The following ADCY9 variants were observed in gnomAD, a reference collection of about 807,000 sequenced individuals.
ADCY9 encodes the protein adenylate cyclase 9.
A neutral mutation model predicts 101.5 loss-of-function variants in ADCY9; 50 were observed. The observed-to-expected ratio is 0.49, with a 90% CI of 0.39 to 0.62. The LOEUF (loss-of-function observed/expected upper bound fraction) is 0.62, where lower values mean the gene tolerates loss of function less well. Ranked by LOEUF, ADCY9 falls within the 20% of genes least tolerant of loss-of-function variation. The pLI is 0.00. For synonymous variants in ADCY9, 905 were observed against 769.3 expected (o/e 1.18, Z -2.92); for missense variants, 1,662 against 1,800.4 (o/e 0.92, Z 1.39).
intron 2 of ADCY9, among the ~76,000 whole-genome samples, chr16:4,056,818 GT>G (rs1436715371): frequency 1.3e-5 from 2 of 152,186 alleles, no homozygotes; most frequent in Non-Finnish European, 2.9e-5. Context: ...GTTTACCTGT[GT>G]TTTTATTATC....
intron 5 of ADCY9, 79 bp from the exon 6 acceptor site, chr16:3,989,175 CA>C (rs2056223476): frequency 9.4e-7 from 1 of 1,069,314 alleles, no homozygotes; most frequent in African/African-American, 1.6e-5. Context: ...AATTAGCTAC[CA>C]AAACGCTGCT....
chr16:4,107,657 G>T (rs1011203274), intron 2 of ADCY9, among the ~76,000 whole-genome samples: 3 of 151,816 alleles, frequency 2.0e-5, no homozygotes, highest in East Asian at 3.9e-4. Context: ...CAGTGGCAAG[G>T]GTTGCAGGCT....
intron 6 of ADCY9, among the ~76,000 whole-genome samples, chr16:3,984,587 C>T (rs1287196864): frequency 1.3e-5 from 2 of 152,152 alleles, no homozygotes; most frequent in African/African-American, 2.4e-5. Flanking sequence ...GGGCACACAG[C>T]GAACAAGGAG....
intron 2 of ADCY9, among the ~76,000 whole-genome samples, chr16:4,076,521 C>T (rs930147961): frequency 6.6e-6 from 1 of 152,186 alleles, no homozygotes; most frequent in African/African-American, 2.4e-5. Flanking sequence ...GAAATATTCC[C>T]AAGCTCTCAC....
rs879620 is a variant in ADCY9, at chr16:3,965,728, C to T, written c.*47G>A. The T allele has an allele frequency of 0.56, 855,831 of 1,531,750 alleles. 250,172 individuals carry two copies. The highest frequency in any genetic ancestry group is 0.61 in the Non-Finnish European group (691,185 of 1,124,786). 94.9% of individuals were successfully genotyped at this position (1,531,750 alleles called of 1,614,324 possible). A position where few individuals can be genotyped will look rare whatever the true frequency, so the allele number is the denominator to read the frequency against. On this transcript the variant is annotated 3_prime_UTR_variant, in exon 11 of 11. Transcript: ENST00000294016. ...GCACAACAGCCAAATACAAATATTA[C>T]TGTGTTTCGACAAACAGAGCACCTC...
rs144409277 is a variant in ADCY9 at position 3,966,540 on chromosome 16, C to T, written c.3297G>A (p.Pro1099=). ...IGDFDELLSK[P]DYSSIEKIKT... is the part of the protein sequence containing the mutation. ...TGATCTTCTCGATGCTGCTGTAGTC[C>T]GGCTTGCTTAGGAGCTCGTCAAAGT... Residue 1099 remains proline (P), a synonymous_variant, in exon 11 of 11, where the codon CCG becomes CCA. Transcript: ENST00000294016. The T allele has an allele frequency of 5.4e-4, 866 of 1,614,178 alleles. 4 individuals carry two copies. In the East Asian group the frequency reaches 0.016, roughly 30 times the overall value.
At chr16:4,061,003 G>C (rs1266468446) in intron 2 of ADCY9, among the ~76,000 whole-genome samples, 1 of 152,034 alleles carries the variant, frequency 6.6e-6, no homozygotes, top group Non-Finnish European at 1.5e-5. Context: ...TCATCAAATA[G>C]AGAATACTAA....
chr16:3,983,224 G>T lies in ADCY9; in HGVS notation c.2519+8C>A, dbSNP rs375419088. On this transcript the variant is annotated splice_region_variant and intron_variant, in intron 7 of 10. Coordinates refer to ENST00000294016, the MANE Select transcript of ADCY9 (RefSeq NM_001116.4). The stretch of plus-strand genomic sequence containing the variant: ...CAGAGCTGGAGACCCAGTCCACGCG[G>T]CGCTTACCTGATGGACACCGCGAGG... 3 of 1,547,656 alleles carry T rather than the reference G, an allele frequency of 1.9e-6. No homozygotes were observed. The highest frequency in any genetic ancestry group is 2.6e-6 in the Non-Finnish European group (3 of 1,145,750).
intron 2 of ADCY9, among the ~76,000 whole-genome samples, chr16:4,067,869 G>C (rs1485718468): frequency 1.3e-5 from 2 of 152,130 alleles, no homozygotes; most frequent in Admixed American, 1.3e-4. Context: ...TCCAATCTCT[G>C]AATCTTTTTG....
rs537737275 is a variant in ADCY9, at chr16:4,115,670, G to A, written c.-44+20C>T. 9.7e-5 allele frequency: 55 copies of A among 567,818 alleles called. No individual in the cohort carries two copies. Among genetic ancestry groups the A allele is most frequent in the African/African-American group, 9.0e-4 (48 of 53,490 alleles). The allele number at this position is 567,818 out of a possible 1,614,324, so 35.2% of individuals were successfully genotyped here. A position where few individuals can be genotyped will look rare whatever the true frequency, so the allele number is the denominator to read the frequency against. ...CACCGCCCCCACCTTCGAGGCGCAC[G>A]AGAACCGCTCGGGACGGACCTAGAA... On this transcript the variant is annotated intron_variant, in intron 1 of 10. Coordinates refer to ENST00000294016, the MANE Select transcript of ADCY9 (RefSeq NM_001116.4). This position sits in a 1 kb window ranked among gnomAD's most constrained non-coding sequence, Gnocchi z 6.2.
At chr16:3,979,020 G>A in intron 8 of ADCY9, 96 bp downstream of exon 8, 1 of 1,526,590 alleles carries the variant, frequency 6.6e-7, no homozygotes, top group Non-Finnish European at 9.0e-7. Context: ...TGGCCAAAGG[G>A]TTTATTTTTA....
In ADCY9 at chr16:3,965,570, G is replaced by C. The variant is rs1463145642; in HGVS notation, c.*205C>G. On this transcript the variant is annotated 3_prime_UTR_variant, in exon 11 of 11. Coordinates refer to ENST00000294016, the MANE Select transcript of ADCY9 (RefSeq NM_001116.4). ...TGAACGGATGACCCAGAGGCAGCGG[G>C]GTTTCCAGGGAAGGGAGCGAAAGGG... 4.9e-6 allele frequency: 3 copies of C among 607,436 alleles called. No homozygotes were observed. The highest frequency in any genetic ancestry group is 8.6e-6 in the Non-Finnish European group (3 of 347,010). The allele number at this position is 607,436 out of a possible 1,614,324, so 37.6% of individuals were successfully genotyped here.
chr16:4,080,288 G>A (rs1019980032), intron 2 of ADCY9, among the ~76,000 whole-genome samples: 29 of 151,942 alleles, frequency 1.9e-4, no homozygotes, highest in African/African-American at 6.5e-4. Flanking sequence ...CTGTTGCCCA[G>A]GCTCTAGTGC....
intron 2 of ADCY9, among the ~76,000 whole-genome samples, chr16:4,060,418 T>C (rs1045980306): frequency 7.2e-5 from 11 of 152,158 alleles, no homozygotes; most frequent in African/African-American, 2.4e-4. Flanking sequence ...AGAAAAGGCC[T>C]GGCAAAAAGG....
At chr16:3,972,443 G>T (rs139318288) in intron 10 of ADCY9, among the ~76,000 whole-genome samples, 5 of 152,104 alleles carry the variant, frequency 3.3e-5, no homozygotes, top group Non-Finnish European at 5.9e-5. Context: ...ATGTTGGTCA[G>T]GCTGGTCTCG....
intron 2 of ADCY9, among the ~76,000 whole-genome samples, chr16:4,074,891 ATGGCCGGGTATAG>A (rs2056857594): frequency 6.6e-6 from 1 of 152,076 alleles, no homozygotes; most frequent in African/African-American, 2.4e-5. Context: ...GTACTACTTT[ATGGCCGGGTATAG>A]TGGCTCACAC....
At chr16:4,105,673 G>A (rs1001349262) in intron 2 of ADCY9, among the ~76,000 whole-genome samples, 2 of 83,638 alleles carry the variant, frequency 2.4e-5, no homozygotes, top group South Asian at 5.7e-4. Context: ...GTGAGACTCC[G>A]TCTCAAAAAA....
intron 2 of ADCY9, among the ~76,000 whole-genome samples, chr16:4,012,407 A>G (rs2056410140): frequency 2.0e-5 from 3 of 151,704 alleles, no homozygotes; most frequent in African/African-American, 2.4e-5. Context: ...ACATGATTTA[A>G]TGAATAACCA....
At chr16:4,067,444 T>C (rs1043310265) in intron 2 of ADCY9, among the ~76,000 whole-genome samples, 4 of 152,126 alleles carry the variant, frequency 2.6e-5, no homozygotes, top group African/African-American at 9.7e-5. Flanking sequence ...CTGGCAGCAT[T>C]AGACACACCA....
Sources: allele counts gnomAD v4.1 joint callset (sites outside exome capture counted in the v4.1 genomes callset), GRCh38; gene constraint gnomAD v4.1.1; non-coding constraint Gnocchi (gnomAD v3.1); transcripts MANE v1.5; gene names NCBI Gene and HGNC (gene_info 2026-07-23, HGNC 2026-07-21).